Variants in DRC7 observed in about 807,000 individuals in gnomAD.
The protein encoded by DRC7 is dynein regulatory complex subunit 7.
In DRC7, 80 loss-of-function variants were observed where a neutral mutation model predicts 104.4. That is an observed-to-expected ratio of 0.77 (90% CI 0.64 to 0.92). The LOEUF is 0.92. Among genes scored for constraint, DRC7 ranks in the 40% least tolerant of loss-of-function variants. The pLI is 0.00. For synonymous variants in DRC7, 405 were observed against 447.3 expected (o/e 0.91, Z 1.19); for missense variants, 1,034 against 1,141.1 (o/e 0.91, Z 1.35).
chr16:57,710,452 T>C (rs2048781125), intron 8 of DRC7, among the ~76,000 whole-genome samples: 1 of 152,242 alleles, frequency 6.6e-6, no homozygotes, highest in Non-Finnish European at 1.5e-5. Flanking sequence ...ATGTTATCTG[T>C]GAATAAAAAC....
chr16:57,714,880 A>G, intron 8 of DRC7: 1 of 333,768 alleles, frequency 3.0e-6, no homozygotes, highest in Non-Finnish European at 5.9e-6. Context: ...AGAGGGAAAT[A>G]TGAGCCGAGG....
Position 57,727,288 on chromosome 16 carries a change from T to G in DRC7, c.2086-11T>G. On this transcript the variant is annotated splice_polypyrimidine_tract_variant and intron_variant, in intron 15 of 18. Transcript: ENST00000360716. ...TGTCTCCATCACGCCCTCCAACACT[T>G]CTCATTTCAGGTGCTGGAGATTCTG... 6.2e-7 allele frequency: 1 copy of G among 1,611,066 alleles called. No homozygotes were observed.
Position 57,711,199 on chromosome 16 carries a change from G to T in DRC7, c.1077+3521G>T, listed in dbSNP as rs147643705. 5.1e-3 allele frequency among the ~76,000 whole-genome samples: 778 copies of T among 152,292 alleles called. 7 individuals are homozygous for T. The highest frequency in any genetic ancestry group is 0.016 in the African/African-American group (675 of 41,564). On this transcript the variant is annotated intron_variant, in intron 8 of 18. Coordinates refer to ENST00000360716, the MANE Select transcript of DRC7 (RefSeq NM_001289162.2). The stretch of plus-strand genomic sequence containing the variant: ...GAGGTTTGGTGTTTGTATCTTTCAA[G>T]AAATTTGTCCATTTCATTTGTTTTC...
intron 9 of DRC7, among the ~76,000 whole-genome samples, chr16:57,720,302 G>C (rs578127383): frequency 5.3e-5 from 8 of 152,322 alleles, no homozygotes; most frequent in Non-Finnish European, 1.2e-4. Flanking sequence ...TGGTAACTCT[G>C]TTCTACCTCC....
At chr16:57,696,704 G>C (rs1466512515) in intron 2 of DRC7, 110 bp downstream of exon 2, 2 of 152,174 alleles carry the variant, frequency 1.3e-5, no homozygotes. Flanking sequence ...CCTGTTCTCT[G>C]GGCCAACACA....
At chr16:57,699,744 T>A (rs1459527624) in intron 4 of DRC7, among the ~76,000 whole-genome samples, 1 of 152,098 alleles carries the variant, frequency 6.6e-6, no homozygotes, top group Non-Finnish European at 1.5e-5. Flanking sequence ...GAAACAGACC[T>A]GATCTCCTCA....
At chr16:57,722,019 A>T (rs2048908672) in intron 10 of DRC7, among the ~76,000 whole-genome samples, 1 of 152,166 alleles carries the variant, frequency 6.6e-6, no homozygotes, top group Non-Finnish European at 1.5e-5. Flanking sequence ...CAAGGCCTGG[A>T]AACCCAGCCC....
intron 4 of DRC7, 144 bp downstream of exon 4, chr16:57,699,168 A>G: frequency 1.0e-6 from 1 of 984,856 alleles, no homozygotes; most frequent in East Asian, 2.5e-5. Context: ...TGGGGGCAAC[A>G]TAAAGTCGAA....
chr16:57,731,266 C>T lies in DRC7; in HGVS notation c.*8C>T. The T allele has an allele frequency of 5.0e-6, 8 of 1,607,802 alleles. No individual in the cohort carries two copies. The highest frequency in any genetic ancestry group is 6.8e-6 in the Non-Finnish European group (8 of 1,174,938). On this transcript the variant is annotated 3_prime_UTR_variant, in exon 19 of 19. Coordinates refer to ENST00000360716, the MANE Select transcript of DRC7 (RefSeq NM_001289162.2). ...CAGAAAATATTCGCTTGATGTCCCT[C>T]CTGGGGCCTCAGCCAGAGCTGCCAG...
intron 16 of DRC7, among the ~76,000 whole-genome samples, chr16:57,728,061 G>C (rs532545730): frequency 6.6e-6 from 1 of 152,338 alleles, no homozygotes; most frequent in South Asian, 2.1e-4. Flanking sequence ...CACTACCGTT[G>C]ACTGAATAAG....
At chr16:57,699,887 T>C (rs1438262930) in intron 4 of DRC7, among the ~76,000 whole-genome samples, 1 of 152,196 alleles carries the variant, frequency 6.6e-6, no homozygotes, top group East Asian at 1.9e-4. Flanking sequence ...CAGAATATGC[T>C]TGTGCTGTCT....
intron 8 of DRC7, among the ~76,000 whole-genome samples, chr16:57,713,109 T>C (rs1415353811): frequency 6.6e-6 from 1 of 152,246 alleles, no homozygotes; most frequent in Non-Finnish European, 1.5e-5. Flanking sequence ...TTACACTTGC[T>C]ATAGTTTGTT....
intron 7 of DRC7, among the ~76,000 whole-genome samples, chr16:57,706,023 T>TCCATCCTCCCATCCAC (rs1320101549): frequency 9.8e-6 from 1 of 102,506 alleles, no homozygotes; most frequent in African/African-American, 3.8e-5. Context: ...CTCCCATCCA[T>TCCATCCTCCCATCCAC]CCATCCTCCC....
In DRC7 at chr16:57,698,180, C is replaced by T. The variant is rs755351991; in HGVS notation, c.203+28C>T. The T allele has an allele frequency of 1.9e-6, 3 of 1,613,182 alleles. No individual in the cohort carries two copies. In the South Asian group the frequency reaches 3.3e-5, roughly 18 times the overall value. On this transcript the variant is annotated intron_variant, in intron 3 of 18. Transcript: ENST00000360716. ...GAGTGTGGCAGGGTGGGGGCCCTGG[C>T]AAGGGTAGACCGGGGCTGGGCACAG...
chr16:57,701,705 A>C lies in DRC7; in HGVS notation c.505-231A>C, dbSNP rs1597794165. On this transcript the variant is annotated intron_variant, in intron 5 of 18. Coordinates refer to ENST00000360716, the MANE Select transcript of DRC7 (RefSeq NM_001289162.2). ...ACAGTCCAGAAGGTTTCCCCCTATC[A>C]GGAAGTCCATAGCCCCTTCAAATGA... The C allele has an allele frequency of 7.6e-6, 4 of 525,840 alleles. No homozygotes were observed. The East Asian group carries it at 1.3e-4, about 17-fold the overall frequency. 32.6% of individuals were successfully genotyped at this position (525,840 alleles called of 1,614,324 possible). A position where few individuals can be genotyped will look rare whatever the true frequency, so the allele number is the denominator to read the frequency against.
At chr16:57,705,113 T>C (rs2048698485) in intron 7 of DRC7, 79 bp downstream of exon 7, 2 of 1,481,658 alleles carry the variant, frequency 1.3e-6, no homozygotes, top group South Asian at 1.3e-5. Flanking sequence ...GCATAGGTCA[T>C]GGAGGGGATG....
chr16:57,720,608 C>G (rs1022331804), intron 9 of DRC7, among the ~76,000 whole-genome samples: 2 of 152,104 alleles, frequency 1.3e-5, no homozygotes, highest in African/African-American at 4.8e-5. Context: ...GAGGGCAGCC[C>G]AAAGAGTCAG....
At chr16:57,705,112 A>T (rs1283015475) in intron 7 of DRC7, 78 bp downstream of exon 7, 10 of 1,480,616 alleles carry the variant, frequency 6.8e-6, no homozygotes, top group Non-Finnish European at 8.2e-6. Flanking sequence ...GGCATAGGTC[A>T]TGGAGGGGAT....
chr16:57,701,905 C>A (rs1362548604), intron 5 of DRC7, 31 bp from the exon 6 acceptor site: 4 of 1,597,662 alleles, frequency 2.5e-6, no homozygotes, highest in Non-Finnish European at 3.4e-6. Context: ...CAGCGGGGCC[C>A]CAGCTGTGCT....
Sources: allele counts gnomAD v4.1 joint callset (sites outside exome capture counted in the v4.1 genomes callset), GRCh38; gene constraint gnomAD v4.1.1; transcripts MANE v1.5; gene names NCBI Gene and HGNC (gene_info 2026-07-23, HGNC 2026-07-21).